SPAG6: variants seen among roughly 807,000 people sequenced by gnomAD.
The protein encoded by SPAG6 is sperm-associated antigen 6.
SPAG6 carries 49 observed loss-of-function variants against 58.5 expected under a neutral mutation model. That is an observed-to-expected ratio of 0.84 (90% confidence interval 0.67 to 1.06). The LOEUF (loss-of-function observed/expected upper bound fraction) is 1.06. SPAG6 is among the 50% of genes least tolerant of loss of function. The pLI, the probability that SPAG6 is intolerant of heterozygous loss-of-function variation, is 0.00. For synonymous variants in SPAG6, 233 were observed against 225.6 expected (o/e 1.03, Z -0.29); for missense variants, 560 against 611.3 (o/e 0.92, Z 0.89).
chr10:22,362,059 CTATATAAGTA>C (rs1159765172), intron 2 of SPAG6, among the ~76,000 whole-genome samples: 3 of 141,086 alleles, frequency 2.1e-5, no homozygotes, highest in African/African-American at 5.2e-5. Context: ...TATATTTATT[CTATATAAGTA>C]TATATAAATA....
intron 10 of SPAG6, chr10:22,412,475 A>C (rs376971022): frequency 1.3e-6 from 2 of 1,532,018 alleles, no homozygotes; most frequent in Non-Finnish European, 1.7e-6. Flanking sequence ...AAGTTTGTGC[A>C]CTTTTTAGGA....
chr10:22,405,210 G>C (rs1362761760), intron 9 of SPAG6, among the ~76,000 whole-genome samples: 5 of 151,564 alleles, frequency 3.3e-5, no homozygotes, highest in Middle Eastern at 6.8e-3. Flanking sequence ...TCCCTGTCTT[G>C]TGCCAGTTTT....
chr10:22,415,810 T>C (rs1299016919), intron 10 of SPAG6, among the ~76,000 whole-genome samples: 1 of 152,196 alleles, frequency 6.6e-6, no homozygotes, highest in Non-Finnish European at 1.5e-5. Flanking sequence ...TGAGAATTTT[T>C]GAATTATACT....
At chr10:22,346,140 G>A in intron 2 of SPAG6, 2 of 1,350,926 alleles carry the variant, frequency 1.5e-6, no homozygotes, top group South Asian at 2.7e-5. Context: ...TTTTATCCAA[G>A]TGCCATTTTG....
chr10:22,412,605 T>C, intron 10 of SPAG6: 1 of 699,872 alleles, frequency 1.4e-6, no homozygotes, highest in South Asian at 2.2e-5. Context: ...CATATAACAC[T>C]CTGTCTCCAG....
intron 4 of SPAG6, among the ~76,000 whole-genome samples, chr10:22,378,158 G>T (rs758155360): frequency 3.3e-5 from 5 of 150,260 alleles, no homozygotes; most frequent in Non-Finnish European, 5.9e-5. Context: ...CCGCCTCCTG[G>T]GTTCAAACGA....
At chr10:22,409,627 G>A (rs1434375392) in intron 9 of SPAG6, among the ~76,000 whole-genome samples, 1 of 152,170 alleles carries the variant, frequency 6.6e-6, no homozygotes, top group Non-Finnish European at 1.5e-5. Flanking sequence ...TTCAATGGAG[G>A]AAGGACAAGT....
chr10:22,358,569 G>A (rs1377930488), intron 2 of SPAG6, among the ~76,000 whole-genome samples: 2 of 151,954 alleles, frequency 1.3e-5, no homozygotes, highest in Non-Finnish European at 2.9e-5. Flanking sequence ...TTGCTGTGCA[G>A]AAGCTCTTTA....
chr10:22,402,653 A>G lies in SPAG6; in HGVS notation c.1314+1376A>G, dbSNP rs545583797. Among the ~76,000 whole-genome samples the G allele has an allele frequency of 2.6e-5, 4 of 152,338 alleles. No homozygotes were observed. In the East Asian group the frequency reaches 7.7e-4, roughly 29 times the overall value. The stretch of plus-strand genomic sequence containing the variant: ...TTTCTTCCTCCTTCCAATAAAATAA[A>G]CTGCCCCTCTTAGTTATATGGGATG... On this transcript the variant is annotated intron_variant, in intron 9 of 10. Transcript: ENST00000376624.
intron 2 of SPAG6, among the ~76,000 whole-genome samples, chr10:22,353,710 T>G (rs540275630): frequency 6.6e-6 from 1 of 152,352 alleles, no homozygotes; most frequent in Admixed American, 6.5e-5. Context: ...GCATAGTCCC[T>G]GTGCTTAAGT....
At chr10:22,400,192 G>A (rs1162034882) in intron 8 of SPAG6, among the ~76,000 whole-genome samples, 4 of 152,124 alleles carry the variant, frequency 2.6e-5, no homozygotes, top group Non-Finnish European at 1.5e-5. Context: ...GCAAAACAGT[G>A]TGGTGATCCC....
At chr10:22,347,675 A>G (rs1007829805) in intron 2 of SPAG6, among the ~76,000 whole-genome samples, 1 of 152,200 alleles carries the variant, frequency 6.6e-6, no homozygotes, top group East Asian at 1.9e-4. Flanking sequence ...TAAGAGTGCA[A>G]TGTAGACTTC....
At chr10:22,347,181 A>G (rs76072727) in intron 2 of SPAG6, among the ~76,000 whole-genome samples, 1,532 of 152,256 alleles carry the variant, frequency 0.01, 26 homozygotes, top group African/African-American at 0.034. Flanking sequence ...TGCTATCCCT[A>G]ACCCTGGACA....
rs1251568806 is a variant in SPAG6, at chr10:22,391,868, T to C, written c.1145T>C (p.Val382Ala). Reference sequence around the variant, plus strand: ...GTTGCAGTCACAAATACTTTGCCAGTTCTGCTTTCTTTGTACATGTCAACA... The same window carrying C: ...GTTGCAGTCACAAATACTTTGCCAGCTCTGCTTTCTTTGTACATGTCAACA... ...RAVAVTNTLP[V>A]LLSLYMSTES... Residue 382 changes from valine (V) to alanine (A), a missense_variant, in exon 8 of 11, where the codon GTT (valine) becomes GCT (alanine). Transcript: ENST00000376624. The C allele has an allele frequency of 6.2e-7, 1 of 1,613,384 alleles. No individual in the cohort carries two copies. Among genetic ancestry groups the C allele is most frequent in the African/African-American group, 1.3e-5 (1 of 74,868 alleles).
chr10:22,368,823 G>A (rs1468147614), intron 4 of SPAG6, 145 bp downstream of exon 4: 4 of 560,038 alleles, frequency 7.1e-6, no homozygotes, highest in African/African-American at 5.7e-5. Context: ...TTGAATGATG[G>A]CCAAGTTGTT....
chr10:22,360,413 T>C (rs1837000470), intron 2 of SPAG6, among the ~76,000 whole-genome samples: 1 of 149,614 alleles, frequency 6.7e-6, no homozygotes. Context: ...CCCAATACTT[T>C]GGGAGTCCAG....
At chr10:22,346,827 A>G (rs1836572715) in intron 2 of SPAG6, among the ~76,000 whole-genome samples, 1 of 152,168 alleles carries the variant, frequency 6.6e-6, no homozygotes, top group Non-Finnish European at 1.5e-5. Context: ...TGTATTTACA[A>G]TAAAGTATAT....
At position 22,411,185 on chromosome 10, in the gene SPAG6, A is replaced by G. The variant is rs1834725177; in HGVS notation, c.1460+9A>G. The stretch of plus-strand genomic sequence containing the variant: ...CCCGAGGAAATAGTGAGGTGGGGAA[A>G]ATGGACTTTGAAACGTTCAATATTA... On this transcript the variant is annotated intron_variant, in intron 10 of 10. Transcript: ENST00000376624. 1 of 1,597,414 alleles carries G rather than the reference A, an allele frequency of 6.3e-7. No individual in the cohort carries two copies.
intron 8 of SPAG6, among the ~76,000 whole-genome samples, chr10:22,395,019 C>T (rs1834264118): frequency 6.6e-6 from 1 of 152,108 alleles, no homozygotes; most frequent in Non-Finnish European, 1.5e-5. Flanking sequence ...CATGTGCCTG[C>T]CTTCTTTACT....
Sources: allele counts gnomAD v4.1 joint callset (sites outside exome capture counted in the v4.1 genomes callset), GRCh38; gene constraint gnomAD v4.1.1; transcripts MANE v1.5; gene names NCBI Gene and HGNC (gene_info 2026-07-23, HGNC 2026-07-21).